Variants in TMEM178B observed in about 807,000 individuals in gnomAD.
TMEM178B encodes transmembrane protein 178B.
Under a neutral mutation model 31.0 loss-of-function variants are expected in TMEM178B, and 5 were observed. That is an observed-to-expected ratio of 0.16 (90% CI 0.08 to 0.34). The LOEUF (loss-of-function observed/expected upper bound fraction) is 0.34, where lower values mean the gene tolerates loss of function less well. Among genes scored for constraint, TMEM178B ranks in the 10% least tolerant of loss-of-function variants. The probability of loss-of-function intolerance (pLI) is 1.00; values close to 1 mark genes in which losing one functional copy is unlikely to be tolerated. For synonymous variants in TMEM178B, 164 were observed against 164.0 expected (o/e 1.00, Z 0.00); for missense variants, 275 against 400.3 (o/e 0.69, Z 2.67).
the TMEM178B span, among the ~76,000 whole-genome samples, chr7:141,489,999 A>C: frequency 6.6e-6 from 1 of 152,298 alleles, no homozygotes; most frequent in East Asian, 1.9e-4. Context: ...TAGAGTGGAC[A>C]CATGGATGCG....
At chr7:141,261,397 CAG>C (rs1798009926) in intron 2 of TMEM178B, among the ~76,000 whole-genome samples, 2 of 151,886 alleles carry the variant, frequency 1.3e-5, no homozygotes, top group South Asian at 4.2e-4. Context: ...TCAGGTGAAA[CAG>C]GGGCAGAAGT....
intron 3 of TMEM178B, among the ~76,000 whole-genome samples, chr7:141,463,783 T>G (rs1170492093): frequency 1.3e-5 from 2 of 152,216 alleles, no homozygotes; most frequent in Non-Finnish European, 2.9e-5. Context: ...CTCTCTAGTG[T>G]GGCCAGAGTG....
chr7:141,446,777 A>G (rs1455475088), intron 3 of TMEM178B, among the ~76,000 whole-genome samples: 1 of 152,176 alleles, frequency 6.6e-6, no homozygotes, highest in Admixed American at 6.5e-5. Flanking sequence ...AGGCACAGCT[A>G]TGAGACTTGC....
intron 1 of TMEM178B, among the ~76,000 whole-genome samples, chr7:141,163,302 C>T (rs1298075661): frequency 6.6e-6 from 1 of 152,190 alleles, no homozygotes; most frequent in African/African-American, 2.4e-5. Flanking sequence ...TTCTGGAAGC[C>T]TAGGCTTGGA....
chr7:141,224,216 T>C (rs575322914), intron 2 of TMEM178B, among the ~76,000 whole-genome samples: 3 of 152,274 alleles, frequency 2.0e-5, no homozygotes, highest in Admixed American at 1.3e-4. Flanking sequence ...ATTAAACCTG[T>C]TTTTCTTTAT....
At chr7:141,118,506 G>T (rs1036949126) in intron 1 of TMEM178B, among the ~76,000 whole-genome samples, 1 of 152,180 alleles carries the variant, frequency 6.6e-6, no homozygotes, top group African/African-American at 2.4e-5. Flanking sequence ...AATATCCAGC[G>T]TATAGTAAGT....
chr7:141,215,656 T>G (rs1443277793), intron 2 of TMEM178B, among the ~76,000 whole-genome samples: 1 of 151,878 alleles, frequency 6.6e-6, no homozygotes, highest in Non-Finnish European at 1.5e-5. Context: ...GACCATAATA[T>G]CTTGTATTCT....
rs145531554 is a variant in TMEM178B at position 141,369,618 on chromosome 7, C to T, written c.497-67990C>T. Among the ~76,000 whole-genome samples, 246 of 152,288 alleles carry T rather than the reference C, an allele frequency of 1.6e-3. 2 individuals carry two copies. Among genetic ancestry groups the T allele is most frequent in the East Asian group, 9.5e-3 (49 of 5,176 alleles). Reference sequence around the variant, plus strand: ...CGAGCAGGGAAGCACCTCCACCCCGCGTTCCTAATGGAGCTTGCTCTCTGC... The same window carrying T: ...CGAGCAGGGAAGCACCTCCACCCCGTGTTCCTAATGGAGCTTGCTCTCTGC... On this transcript the variant is annotated intron_variant, in intron 2 of 3. Coordinates refer to ENST00000565468, the MANE Select transcript of TMEM178B (RefSeq NM_001195278.2).
In TMEM178B at chr7:141,475,024, G is replaced by C. The variant is rs1161079041; in HGVS notation, c.*4238G>C. 1 of 152,246 alleles carries C rather than the reference G, an allele frequency of 6.6e-6. No individual in the cohort carries two copies. The highest frequency in any genetic ancestry group is 2.4e-5 in the African/African-American group (1 of 41,452). The allele number at this position is 152,246 out of a possible 1,614,324, so 9.4% of individuals were successfully genotyped here. ...TGATTCTTGTAGTTAAAGTGAAGTT[G>C]CTTTTCTGAAAATGTTCCCTGTCTT... On this transcript the variant is annotated 3_prime_UTR_variant, in exon 4 of 4. Coordinates refer to ENST00000565468, the MANE Select transcript of TMEM178B (RefSeq NM_001195278.2).
chr7:141,151,587 A>G (rs1487511736), intron 1 of TMEM178B, among the ~76,000 whole-genome samples: 2 of 152,146 alleles, frequency 1.3e-5, no homozygotes, highest in African/African-American at 2.4e-5. Flanking sequence ...TGGGCTGGCA[A>G]TTAGCATCGG....
intron 2 of TMEM178B, among the ~76,000 whole-genome samples, chr7:141,309,854 C>T (rs910892122): frequency 6.6e-6 from 1 of 152,090 alleles, no homozygotes; most frequent in Non-Finnish European, 1.5e-5. Flanking sequence ...TATGCAGTAC[C>T]CATTTCTCTA....
intron 3 of TMEM178B, among the ~76,000 whole-genome samples, chr7:141,441,941 C>T (rs1801668455): frequency 6.6e-6 from 1 of 152,116 alleles, no homozygotes; most frequent in East Asian, 1.9e-4. Context: ...ACCAGGAGGC[C>T]GGGGGTGGCA....
Position 141,477,272 on chromosome 7 carries a change from T to A in TMEM178B, c.*6486T>A, listed in dbSNP as rs1393537773. The A allele has an allele frequency of 6.5e-6, 1 of 154,740 alleles. No homozygotes were observed. The highest frequency in any genetic ancestry group is 6.5e-5 in the Admixed American group (1 of 15,290). The allele number at this position is 154,740 out of a possible 1,614,324, so 9.6% of individuals were successfully genotyped here. A position where few individuals can be genotyped will look rare whatever the true frequency, so the allele number is the denominator to read the frequency against. Reference sequence around the variant, plus strand: ...AAGACTATCTGTAAAAATGTACAAATAAAAGTGAAAACTGAAAATAAAGGG... The same window carrying A: ...AAGACTATCTGTAAAAATGTACAAAAAAAAGTGAAAACTGAAAATAAAGGG... On this transcript the variant is annotated 3_prime_UTR_variant, in exon 4 of 4. Coordinates refer to ENST00000565468, the MANE Select transcript of TMEM178B (RefSeq NM_001195278.2).
chr7:141,172,878 A>G (rs1796370597), intron 1 of TMEM178B, among the ~76,000 whole-genome samples: 1 of 152,150 alleles, frequency 6.6e-6, no homozygotes, highest in African/African-American at 2.4e-5. Flanking sequence ...AGTATTGTAC[A>G]GATGAGATCT....
At chr7:141,448,158 C>T (rs1801796369) in intron 3 of TMEM178B, among the ~76,000 whole-genome samples, 1 of 151,988 alleles carries the variant, frequency 6.6e-6, no homozygotes, top group Non-Finnish European at 1.5e-5. Flanking sequence ...AAAAGCTACT[C>T]CCCAAATATT....
chr7:141,176,750 G>A (rs892879100), intron 1 of TMEM178B, among the ~76,000 whole-genome samples: 12 of 152,136 alleles, frequency 7.9e-5, no homozygotes, highest in African/African-American at 2.4e-4. Context: ...TTGCATAGAG[G>A]TGCTTACAGA....
chr7:141,439,081 C>T (rs1801608873), intron 3 of TMEM178B, among the ~76,000 whole-genome samples: 2 of 151,906 alleles, frequency 1.3e-5, no homozygotes, highest in Admixed American at 6.6e-5. Context: ...GTCTGCAGGT[C>T]AAGCTGGGGA....
At chr7:141,428,386 A>G (rs112665417) in intron 2 of TMEM178B, among the ~76,000 whole-genome samples, 5 of 55,094 alleles carry the variant, frequency 9.1e-5, no homozygotes, top group African/African-American at 1.1e-4. Flanking sequence ...AAAAAAAAAG[A>G]AAAAAAGAAA....
intron 2 of TMEM178B, among the ~76,000 whole-genome samples, chr7:141,373,322 AAAC>A (rs1397905696): frequency 6.6e-6 from 1 of 152,166 alleles, no homozygotes; most frequent in African/African-American, 2.4e-5. Flanking sequence ...GGACCCAAAT[AAAC>A]AACAACAACA....
Sources: allele counts gnomAD v4.1 joint callset (sites outside exome capture counted in the v4.1 genomes callset), GRCh38; gene constraint gnomAD v4.1.1; transcripts MANE v1.5; gene names NCBI Gene and HGNC (gene_info 2026-07-23, HGNC 2026-07-21).